The following EYS variants were observed in gnomAD, a reference collection of about 807,000 sequenced individuals.
EYS encodes EGF-like photoreceptor maintenance factor, also known as protein eyes shut homolog.
In EYS, 250 loss-of-function variants were observed where a neutral mutation model predicts 282.1. The observed-to-expected ratio is 0.89, with a 90% confidence interval of 0.80 to 0.98. The LOEUF is 0.98. EYS is among the 50% of genes least tolerant of loss of function. The pLI, the probability that EYS is intolerant of heterozygous loss-of-function variation, is 0.00. For missense variants in EYS, 4,016 were observed against 3,709.0 expected (o/e 1.08, Z -2.15); for synonymous variants, 1,355 against 1,282.9 (o/e 1.06, Z -1.20).
At chr6:64,288,991 T>C (rs1460850418) in intron 30 of EYS, among the ~76,000 whole-genome samples, 1 of 152,126 alleles carries the variant, frequency 6.6e-6, no homozygotes, top group Non-Finnish European at 1.5e-5. Flanking sequence ...CCAGTCTCAT[T>C]TCTTCATTTT....
Position 65,057,006 on chromosome 6 carries a change from A to T in EYS, c.2137+608T>A, listed in dbSNP as rs1004163094. Among the ~76,000 whole-genome samples the T allele has an allele frequency of 2.6e-5, 4 of 152,038 alleles. No homozygotes were observed. The South Asian group carries it at 6.2e-4, about 24-fold the overall frequency. On this transcript the variant is annotated intron_variant, in intron 13 of 42. Coordinates refer to ENST00000503581, the MANE Select transcript of EYS (RefSeq NM_001142800.2). The stretch of plus-strand genomic sequence containing the variant: ...GGTAAATAGGTATAACATTAAAAAA[A>T]ATCTAAATTAATTTTATTTAGTTGA...
chr6:63,722,711 A>T (rs1179633296), intron 42 of EYS, among the ~76,000 whole-genome samples: 1 of 152,160 alleles, frequency 6.6e-6, no homozygotes, highest in Admixed American at 6.6e-5. Context: ...GATATTCGGC[A>T]TTATGCTACA....
At chr6:65,085,388 C>A (rs750844152) in intron 12 of EYS, among the ~76,000 whole-genome samples, 10 of 152,054 alleles carry the variant, frequency 6.6e-5, no homozygotes. Context: ...ATATTTGAAC[C>A]TCCTTTCAGT....
intron 5 of EYS, among the ~76,000 whole-genome samples, chr6:65,477,457 T>C (rs1232628192): frequency 2.0e-5 from 3 of 152,182 alleles, no homozygotes; most frequent in African/African-American, 7.2e-5. Flanking sequence ...CAGTCATTTT[T>C]CAGGCAGTCA....
rs1280525602 is a variant in EYS at position 65,096,767 on chromosome 6, A to T, written c.2024-39040T>A. Among the ~76,000 whole-genome samples the T allele has an allele frequency of 4.0e-5, 6 of 151,190 alleles. No homozygotes were observed. In the East Asian group the frequency reaches 9.7e-4, roughly 24 times the overall value. ...TGAGGAGTGAAATGTTTTCTTCAAC[A>T]AATGCTATTGAGAAACTGGATATTT... On this transcript the variant is annotated intron_variant, in intron 12 of 42. Transcript: ENST00000503581.
At chr6:65,565,354 C>G (rs1769231519) in intron 2 of EYS, among the ~76,000 whole-genome samples, 1 of 151,026 alleles carries the variant, frequency 6.6e-6, no homozygotes, top group Non-Finnish European at 1.5e-5. Flanking sequence ...AAAAAGCTCA[C>G]CATCACTGGT....
At chr6:64,793,567 C>T (rs1481544045) in intron 22 of EYS, among the ~76,000 whole-genome samples, 1 of 152,130 alleles carries the variant, frequency 6.6e-6, no homozygotes, top group African/African-American at 2.4e-5. Flanking sequence ...GTAACTAGAT[C>T]ACATGCTAGA....
rs565856664 is a variant in EYS at position 64,338,556 on chromosome 6, C to A, written c.6079-31474G>T. Among the ~76,000 whole-genome samples, 10 of 152,134 alleles carry A rather than the reference C, an allele frequency of 6.6e-5. No homozygotes were observed. In the South Asian group the frequency reaches 2.1e-3, roughly 32 times the overall value. On this transcript the variant is annotated intron_variant, in intron 29 of 42. Coordinates refer to ENST00000503581, the MANE Select transcript of EYS (RefSeq NM_001142800.2). ...AATCAATATTTGGAAAATGACCATA[C>A]TGCTAAAGGCAATCTACAAATTCAA... is the stretch of plus-strand genomic sequence containing the variant.
intron 36 of EYS, among the ~76,000 whole-genome samples, chr6:63,851,411 C>T (rs770953227): frequency 6.6e-6 from 1 of 152,118 alleles, no homozygotes; most frequent in Admixed American, 6.6e-5. Context: ...AAAATTGACA[C>T]ATAATTGGAA....
chr6:64,163,473 C>T (rs911326916), intron 31 of EYS, among the ~76,000 whole-genome samples: 1 of 152,012 alleles, frequency 6.6e-6, no homozygotes, highest in Non-Finnish European at 1.5e-5. Context: ...ATCTAATCTA[C>T]ACATTCTTTA....
At chr6:63,992,541 T>C (rs139245709) in intron 34 of EYS, among the ~76,000 whole-genome samples, 48 of 151,936 alleles carry the variant, frequency 3.2e-4, no homozygotes, top group African/African-American at 1.1e-3. Context: ...TTTTAGTATG[T>C]GATATTGAAG....
At chr6:65,202,220 C>T (rs1369418400) in intron 12 of EYS, among the ~76,000 whole-genome samples, 2 of 151,990 alleles carry the variant, frequency 1.3e-5, no homozygotes, top group Non-Finnish European at 2.9e-5. Flanking sequence ...ACTCATATTA[C>T]ACCACTATCA....
chr6:63,840,789 G>A (rs193271012), intron 36 of EYS, among the ~76,000 whole-genome samples: 4 of 152,164 alleles, frequency 2.6e-5, no homozygotes, highest in Admixed American at 1.3e-4. Flanking sequence ...ATTTATTGAA[G>A]ACACTGTCTT....
chr6:65,635,852 T>A (rs1033938658), intron 2 of EYS, among the ~76,000 whole-genome samples: 1 of 152,146 alleles, frequency 6.6e-6, no homozygotes, highest in African/African-American at 2.4e-5. Flanking sequence ...CTTAAGAGGA[T>A]AGCTGTGCCC....
intron 5 of EYS, among the ~76,000 whole-genome samples, chr6:65,466,643 G>T (rs931111651): frequency 6.6e-6 from 1 of 151,948 alleles, no homozygotes; most frequent in African/African-American, 2.4e-5. Flanking sequence ...TTTGGGGGTT[G>T]ATCAAGGAAA....
At chr6:63,788,371 A>G (rs1337450844) in intron 38 of EYS, 122 bp from the exon 39 acceptor site, 1 of 720,350 alleles carries the variant, frequency 1.4e-6, no homozygotes, top group Non-Finnish European at 2.3e-6. Flanking sequence ...CTGAATTTTG[A>G]AGAAATAACA....
At chr6:64,178,206 G>T (rs923048848) in intron 31 of EYS, among the ~76,000 whole-genome samples, 1 of 152,108 alleles carries the variant, frequency 6.6e-6, no homozygotes, top group African/African-American at 2.4e-5. Context: ...TAGTTTTCCA[G>T]TTGCATTGCT....
chr6:65,258,860 G>T (rs1220036137), intron 12 of EYS, among the ~76,000 whole-genome samples: 1 of 152,036 alleles, frequency 6.6e-6, no homozygotes, highest in Non-Finnish European at 1.5e-5. Flanking sequence ...TAAAGCATTT[G>T]TGAAATGACA....
At chr6:64,069,372 T>G (rs1295165049) in intron 32 of EYS, among the ~76,000 whole-genome samples, 1 of 152,014 alleles carries the variant, frequency 6.6e-6, no homozygotes, top group Non-Finnish European at 1.5e-5. Context: ...TATATATATA[T>G]TTTACTATTT....
Sources: allele counts gnomAD v4.1 joint callset (sites outside exome capture counted in the v4.1 genomes callset), GRCh38; gene constraint gnomAD v4.1.1; transcripts MANE v1.5; gene names NCBI Gene and HGNC (gene_info 2026-07-23, HGNC 2026-07-21).